The following PCDH15 variants were observed in gnomAD, a reference collection of about 807,000 sequenced individuals.
The protein encoded by PCDH15 is protocadherin-15.
PCDH15 carries 129 observed loss-of-function variants against 178.5 expected under a neutral mutation model. That is an observed-to-expected ratio of 0.72 (90% CI 0.63 to 0.84). PCDH15 has a LOEUF of 0.84. Ranked by LOEUF, PCDH15 falls within the 40% of genes least tolerant of loss-of-function variation. The pLI is 0.00. For missense variants in PCDH15, 2,230 were observed against 2,099.9 expected (o/e 1.06, Z -1.21); for synonymous variants, 800 against 732.0 (o/e 1.09, Z -1.50).
chr10:54,335,700 T>C (rs1462555522), intron 6 of PCDH15, among the ~76,000 whole-genome samples: 1 of 152,164 alleles, frequency 6.6e-6, no homozygotes, highest in Non-Finnish European at 1.5e-5. Context: ...CTGAGTCCAT[T>C]AAACCTCTTT....
chr10:54,567,837 T>C (rs968965329), intron 2 of PCDH15, among the ~76,000 whole-genome samples: 1 of 152,154 alleles, frequency 6.6e-6, no homozygotes, highest in African/African-American at 2.4e-5. Context: ...GGTGAAGAAG[T>C]CACAGAGTTA....
intron 2 of PCDH15, among the ~76,000 whole-genome samples, chr10:55,521,532 ACTC>A (rs1841176224): frequency 6.6e-6 from 1 of 151,912 alleles, no homozygotes. Flanking sequence ...ATCCAGATAA[ACTC>A]ATCCTAAAGT....
intron 3 of PCDH15, among the ~76,000 whole-genome samples, chr10:54,520,880 A>C (rs1354502797): frequency 6.6e-6 from 1 of 151,812 alleles, no homozygotes; most frequent in Non-Finnish European, 1.5e-5. Flanking sequence ...AATACTATGC[A>C]GCCATAAAAA....
At chr10:55,188,141 C>T (rs759986377) in intron 1 of PCDH15, among the ~76,000 whole-genome samples, 1 of 151,916 alleles carries the variant, frequency 6.6e-6, no homozygotes, top group Non-Finnish European at 1.5e-5. Context: ...AAAACATGTG[C>T]AACTGCTCAC....
At chr10:54,566,550 T>G (rs1205411643) in intron 2 of PCDH15, among the ~76,000 whole-genome samples, 1 of 152,170 alleles carries the variant, frequency 6.6e-6, no homozygotes, top group Non-Finnish European at 1.5e-5. Context: ...TTCTCTATAG[T>G]TCTGCCTTTC....
At chr10:53,968,985 C>T (rs543334182) in intron 21 of PCDH15, among the ~76,000 whole-genome samples, 136 of 152,224 alleles carry the variant, frequency 8.9e-4, no homozygotes, top group African/African-American at 3.2e-3. Context: ...AGCAATGGAA[C>T]AAAGCTGGAT....
intron 3 of PCDH15, among the ~76,000 whole-genome samples, chr10:54,895,360 A>T (rs537108946): frequency 1.1e-4 from 16 of 152,322 alleles, no homozygotes; most frequent in Non-Finnish European, 2.2e-4. Flanking sequence ...CTCAGGTTGA[A>T]GACTTTGGAA....
chr10:55,288,747 A>T (rs1045771087), intron 1 of PCDH15, among the ~76,000 whole-genome samples: 1 of 151,950 alleles, frequency 6.6e-6, no homozygotes, highest in Non-Finnish European at 1.5e-5. Context: ...CATTGTATGT[A>T]CATACCACAT....
intron 2 of PCDH15, among the ~76,000 whole-genome samples, chr10:55,367,318 C>T (rs1845389389): frequency 6.6e-6 from 1 of 152,100 alleles, no homozygotes; most frequent in Non-Finnish European, 1.5e-5. Flanking sequence ...CCTCGGCTCA[C>T]ACATGTAATC....
At chr10:55,613,899 G>A (rs1373537984) in intron 2 of PCDH15, among the ~76,000 whole-genome samples, 2 of 152,048 alleles carry the variant, frequency 1.3e-5, no homozygotes, top group African/African-American at 2.4e-5. Context: ...ACAAGGTCAG[G>A]AGATCGAGAC....
chr10:54,185,698 T>C (rs1012993464), intron 11 of PCDH15, among the ~76,000 whole-genome samples: 7 of 152,040 alleles, frequency 4.6e-5, no homozygotes, highest in Admixed American at 6.6e-5. Context: ...TTTATAGTAA[T>C]AAACTGCATA....
chr10:53,953,542 T>A (rs559603593), intron 23 of PCDH15, among the ~76,000 whole-genome samples: 1 of 151,982 alleles, frequency 6.6e-6, no homozygotes, highest in Non-Finnish European at 1.5e-5. Flanking sequence ...CACCAGGAAA[T>A]AACATCAGTT....
intron 2 of PCDH15, among the ~76,000 whole-genome samples, chr10:55,131,639 T>TG (rs1262059800): frequency 6.6e-6 from 1 of 151,980 alleles, no homozygotes; most frequent in Non-Finnish European, 1.5e-5. Flanking sequence ...AGACCCAAAG[T>TG]GGGTAGCTCC....
chr10:54,956,035 T>C (rs1838475641), intron 2 of PCDH15, among the ~76,000 whole-genome samples: 1 of 151,408 alleles, frequency 6.6e-6, no homozygotes, highest in Non-Finnish European at 1.5e-5. Flanking sequence ...TAATGAAATG[T>C]ATGAAAGTTC....
intron 3 of PCDH15, among the ~76,000 whole-genome samples, chr10:54,520,241 C>G (rs2082700427): frequency 6.6e-6 from 1 of 152,074 alleles, no homozygotes; most frequent in Non-Finnish European, 1.5e-5. Context: ...AGAGCTTCTG[C>G]AAAGCAAAAG....
intron 3 of PCDH15, among the ~76,000 whole-genome samples, chr10:54,873,702 T>TAC (rs1295828999): frequency 1.4e-4 from 20 of 146,170 alleles, no homozygotes; most frequent in African/African-American, 4.7e-4. Context: ...ATTTTATATA[T>TAC]ATATATATAT....
At chr10:54,554,745 T>A (rs536230753) in intron 2 of PCDH15, among the ~76,000 whole-genome samples, 22 of 152,282 alleles carry the variant, frequency 1.4e-4, no homozygotes, top group African/African-American at 5.3e-4. Context: ...CAAAGAGCCC[T>A]AAACCAAAAT....
chr10:54,443,387 T>C (rs1256254729), intron 3 of PCDH15, among the ~76,000 whole-genome samples: 1 of 151,448 alleles, frequency 6.6e-6, no homozygotes, highest in East Asian at 1.9e-4. Context: ...ATATTAGATG[T>C]TGGTAGATAT....
At chr10:55,023,822 T>TAC (rs564415742) in intron 2 of PCDH15, among the ~76,000 whole-genome samples, 6 of 151,016 alleles carry the variant, frequency 4.0e-5, no homozygotes, top group South Asian at 2.1e-4. Context: ...CATATATATA[T>TAC]ACACACACAC....
Sources: gnomAD v4.1 joint callset for allele counts (sites outside exome capture counted in the v4.1 genomes callset) on GRCh38, gnomAD v4.1.1 for gene constraint, MANE v1.5 for transcripts, NCBI Gene and HGNC (gene_info 2026-07-23, HGNC 2026-07-21) for gene names.